OR10S1: variants seen among roughly 807,000 people sequenced by gnomAD.
OR10S1 encodes the protein olfactory receptor 10S1.
For synonymous variants in OR10S1, 167 were observed against 164.1 expected (o/e 1.02, Z -0.13); for missense variants, 415 against 407.9 (o/e 1.02, Z -0.15).
chr11:123,976,681 T>C (rs773831493), exon 1 of OR10S1: 1 of 1,566,654 alleles, frequency 6.4e-7, no homozygotes, highest in South Asian at 1.2e-5. Context: ...AAATTGTGAG[T>C]TTTGATAGCA....
exon 1 of OR10S1, chr11:123,977,249 A>G: frequency 6.2e-7 from 1 of 1,614,188 alleles, no homozygotes. Flanking sequence ...GTTCATGGCC[A>G]CTGGGTAGTG....
exon 1 of OR10S1, chr11:123,977,423 G>A (rs1460565513): frequency 1.9e-6 from 3 of 1,614,162 alleles, no homozygotes; most frequent in East Asian, 2.2e-5. Context: ...CTTGGGCACT[G>A]TCACTGTAGA....
At chr11:123,976,943 C>T (rs964797437) in exon 1 of OR10S1, 8 of 1,613,788 alleles carry the variant, frequency 5.0e-6, no homozygotes, top group Admixed American at 1.7e-5. Flanking sequence ...GGAGAAGGCC[C>T]GCTGCCGGCC....
exon 1 of OR10S1, chr11:123,976,680 G>GT (rs1863721154): frequency 6.4e-7 from 1 of 1,568,158 alleles, no homozygotes; most frequent in African/African-American, 1.4e-5. Context: ...CAAATTGTGA[G>GT]TTTTGATAGC....
exon 1 of OR10S1, chr11:123,977,762 C>T: frequency 7.4e-7 from 1 of 1,353,146 alleles, no homozygotes; most frequent in South Asian, 1.3e-5. Flanking sequence ...CATTATCCAT[C>T]AAGCCACACC....
At chr11:123,977,258 T>C in exon 1 of OR10S1, 1 of 1,614,152 alleles carries the variant, frequency 6.2e-7, no homozygotes, top group South Asian at 1.1e-5. Flanking sequence ...CACTGGGTAG[T>C]GCAGGGGTTG....
Position 123,977,769 on chromosome 11 carries a change from C to T in OR10S1, c.-105G>A. On this transcript the variant is annotated 5_prime_UTR_variant, in exon 1 of 1. It adds an upstream start codon to the 5' untranslated region. Coordinates refer to ENST00000641123, the Ensembl canonical transcript of OR10S1. ...TGAGATGTCATTATCCATCAAGCCACACCACCTTGGTCTTACCCAGTAAGC... is the reference window on the plus strand; with the variant it reads ...TGAGATGTCATTATCCATCAAGCCATACCACCTTGGTCTTACCCAGTAAGC... The T allele has an allele frequency of 7.5e-6, 10 of 1,330,422 alleles. No homozygotes were observed. Among genetic ancestry groups the T allele is most frequent in the Non-Finnish European group, 1.0e-5 (10 of 955,938 alleles). 82.4% of individuals were successfully genotyped at this position (1,330,422 alleles called of 1,614,324 possible). A position where few individuals can be genotyped will look rare whatever the true frequency, so the allele number is the denominator to read the frequency against.
exon 1 of OR10S1, chr11:123,977,015 A>G (rs1863726203): frequency 6.2e-7 from 1 of 1,614,182 alleles, no homozygotes; most frequent in Non-Finnish European, 8.5e-7. Context: ...AACGATGAGG[A>G]TGAGGCAGCC....
At chr11:123,977,166 G>A (rs1335152718) in exon 1 of OR10S1, 1 of 1,614,094 alleles carries the variant, frequency 6.2e-7, no homozygotes, top group East Asian at 2.2e-5. Context: ...CGGAAGGTGA[G>A]GGAGGTGTGG....
exon 1 of OR10S1, chr11:123,977,408 A>G (rs778989901): frequency 2.5e-6 from 4 of 1,614,148 alleles, no homozygotes; most frequent in Non-Finnish European, 3.4e-6. Flanking sequence ...CAGGCCTGCC[A>G]TGACCTTGGG....
chr11:123,976,850 G>A (rs377469564), exon 1 of OR10S1: 3 of 1,614,076 alleles, frequency 1.9e-6, no homozygotes, highest in African/African-American at 2.7e-5. Flanking sequence ...CCCAGCTCCT[G>A]CCTCACTGGA....
At position 123,977,334 on chromosome 11, in the gene OR10S1, A is replaced by T. The variant is rs759711106; in HGVS notation, c.331T>A (p.Phe111Ile). 2.5e-6 allele frequency: 4 copies of T among 1,614,188 alleles called. No individual in the cohort carries two copies. In the Admixed American group the frequency reaches 5.0e-5, roughly 20 times the overall value. Residue 111 changes from phenylalanine to isoleucine, a missense_variant, in exon 1 of 1, where the codon TTT becomes ATT. Coordinates refer to ENST00000641123, the Ensembl canonical transcript of OR10S1. ...AGGAAGCACTCAGTGCTGGCCAGAA[A>T]GTGGAAGCAATAAAGCTGTACGGCA...
rs781634623 is a variant in OR10S1, at chr11:123,977,649, C to T, written c.16G>A (p.Glu6Lys). ...CTCACCACAGTCTGGTTGGGGTTCT[C>T]CGTTGTCATGGTCATCTTCTCACAC... is the stretch of plus-strand genomic sequence containing the variant. The change falls in exon 1 of 1, where the codon GAG becomes AAG. Residue 6 changes from glutamate to lysine, a missense_variant. By Grantham distance (56) the Glu-to-Lys change is moderately conservative. Coordinates refer to ENST00000641123, the Ensembl canonical transcript of OR10S1. 1.4e-5 allele frequency: 22 copies of T among 1,603,290 alleles called. No individual in the cohort carries two copies. In the African/African-American group the frequency reaches 2.4e-4, roughly 17 times the overall value.
exon 1 of OR10S1, chr11:123,976,839 C>A (rs754989209): frequency 6.2e-7 from 1 of 1,614,138 alleles, no homozygotes; most frequent in Non-Finnish European, 8.5e-7. Context: ...ACAGCAGGGG[C>A]CCCAGCTCCT....
chr11:123,976,852 C>A (rs774701834), exon 1 of OR10S1: 1 of 1,614,198 alleles, frequency 6.2e-7, no homozygotes, highest in Middle Eastern at 1.6e-4. Context: ...CAGCTCCTGC[C>A]TCACTGGAGC....
chr11:123,977,282 T>C, exon 1 of OR10S1: 1 of 1,614,128 alleles, frequency 6.2e-7, no homozygotes, highest in Non-Finnish European at 8.5e-7. Flanking sequence ...GATAGCCAGA[T>C]AGCGGTCATA....
chr11:123,976,675 T>A, exon 1 of OR10S1: 1 of 1,560,514 alleles, frequency 6.4e-7, no homozygotes, highest in Non-Finnish European at 8.7e-7. Context: ...GCAGGCAAAT[T>A]GTGAGTTTTG....
chr11:123,977,311 G>A (rs1232837001), exon 1 of OR10S1: 5 of 1,614,032 alleles, frequency 3.1e-6, no homozygotes, highest in Non-Finnish European at 4.2e-6. Flanking sequence ...CTGTGTACAG[G>A]AAGCACTCAG....
chr11:123,976,893 C>T lies in OR10S1; in HGVS notation c.772G>A (p.Val258Met), dbSNP rs199661662. The T allele has an allele frequency of 1.6e-4, 257 of 1,614,108 alleles. 1 individual carries two copies. Among genetic ancestry groups the T allele is most frequent in the Admixed American group, 2.7e-4 (16 of 60,028 alleles). The change falls in exon 1 of 1, where the codon GTG (valine) becomes ATG (methionine). Residue 258 changes from valine to methionine, a missense_variant. Physicochemically the swap from Val to Met is conservative, Grantham distance 21. Coordinates refer to ENST00000641123, the Ensembl canonical transcript of OR10S1. Reference sequence around the variant, plus strand: ...TGCAGGTAGATACAGACAGGTGGCACGTAGTACAGGAGCACCCCAGTGAGC... The same window carrying T: ...TGCAGGTAGATACAGACAGGTGGCATGTAGTACAGGAGCACCCCAGTGAGC...
Sources: allele counts gnomAD v4.1 joint callset, GRCh38; gene constraint gnomAD v4.1.1; transcripts MANE v1.5; gene names NCBI Gene and HGNC (gene_info 2026-07-23, HGNC 2026-07-21).